NAMPT: variants seen among roughly 807,000 people sequenced by gnomAD.
The protein encoded by NAMPT is NAmPRTase.
Under a neutral mutation model 58.7 loss-of-function variants are expected in NAMPT, and 7 were observed. The ratio of observed to expected loss-of-function variants is 0.12; its 90% confidence interval spans 0.07 to 0.22. The LOEUF is 0.22. NAMPT is among the 10% of genes least tolerant of loss of function. The pLI, the probability that NAMPT is intolerant of heterozygous loss-of-function variation, is 1.00. For synonymous variants in NAMPT, 145 were observed against 198.1 expected (o/e 0.73, Z 2.25); for missense variants, 271 against 567.9 (o/e 0.48, Z 5.31).
intron 2 of NAMPT, 191 bp downstream of exon 2, chr7:106,276,832 A>C: frequency 2.0e-6 from 1 of 501,864 alleles, no homozygotes. Flanking sequence ...ACAAGAGCGA[A>C]ACTCGGTTTC....
upstream of NAMPT, chr7:106,285,048 G>A (rs1403759661): frequency 6.6e-6 from 9 of 1,355,856 alleles, no homozygotes; most frequent in East Asian, 2.9e-5. Flanking sequence ...AGGAGGGCGG[G>A]CCCGGGAGCC....
chr7:106,279,620 T>C (rs1792721374), intron 1 of NAMPT, among the ~76,000 whole-genome samples: 1 of 152,198 alleles, frequency 6.6e-6, no homozygotes, highest in Non-Finnish European at 1.5e-5. Context: ...ATAGCATAAA[T>C]TCAAATCAAC....
chr7:106,285,551 G>T (rs894450455), upstream of NAMPT: 2 of 985,822 alleles, frequency 2.0e-6, no homozygotes, highest in Admixed American at 1.2e-4. Context: ...CTTTGTCTCC[G>T]GCCTGGATTA....
chr7:106,273,898 C>T (rs1464941700), intron 3 of NAMPT, among the ~76,000 whole-genome samples: 1 of 151,716 alleles, frequency 6.6e-6, no homozygotes, highest in Non-Finnish European at 1.5e-5. Context: ...TAAAGTATTT[C>T]TAATTATTCT....
At chr7:106,284,559 GC>G in intron 1 of NAMPT, 1 of 178,260 alleles carries the variant, frequency 5.6e-6, no homozygotes. Context: ...GCCCGCCTCA[GC>G]CCCCCGCCGC....
chr7:106,270,348 A>G (rs1157363434), intron 4 of NAMPT: 4 of 330,438 alleles, frequency 1.2e-5, no homozygotes, highest in South Asian at 7.0e-5. Context: ...CCAAAAAGAT[A>G]TTAACTAAAT....
chr7:106,272,873 T>C (rs1792563041), intron 3 of NAMPT, among the ~76,000 whole-genome samples: 1 of 152,242 alleles, frequency 6.6e-6, no homozygotes, highest in Non-Finnish European at 1.5e-5. Context: ...ATTTTTAAGT[T>C]TAATGCTGCC....
In NAMPT at chr7:106,248,377, T is replaced by C. The variant is rs1023506157; in HGVS notation, c.*2706A>G. On this transcript the variant is annotated 3_prime_UTR_variant, in exon 11 of 11. Transcript: ENST00000222553. The stretch of plus-strand genomic sequence containing the variant: ...AGTACATATTAGAATAGACTTAACA[T>C]ACAACTTGGGAGAAAAGCTGACATT... 6.6e-6 allele frequency: 1 copy of C among 152,512 alleles called. No homozygotes were observed. Among genetic ancestry groups the C allele is most frequent in the Non-Finnish European group, 1.5e-5 (1 of 67,978 alleles). The allele number at this position is 152,512 out of a possible 1,614,324, so 9.4% of individuals were successfully genotyped here.
chr7:106,259,674 C>T (rs992760733), intron 8 of NAMPT, among the ~76,000 whole-genome samples: 8 of 152,222 alleles, frequency 5.3e-5, no homozygotes, highest in African/African-American at 1.9e-4. Flanking sequence ...CTGCCTGTCT[C>T]GGTCTCCCAA....
intron 8 of NAMPT, among the ~76,000 whole-genome samples, chr7:106,261,019 T>C (rs373973595): frequency 2.0e-5 from 3 of 152,154 alleles, no homozygotes; most frequent in Non-Finnish European, 2.9e-5. Flanking sequence ...GTTGGAAAAA[T>C]AGCACCAACA....
rs1194038222 is a variant in NAMPT at position 106,251,024 on chromosome 7, A to G, written c.*59T>C. 42 of 1,270,724 alleles carry G rather than the reference A, an allele frequency of 3.3e-5. No individual in the cohort carries two copies. The Admixed American group carries it at 5.4e-4, about 16-fold the overall frequency. The allele number at this position is 1,270,724 out of a possible 1,614,324, so 78.7% of individuals were successfully genotyped here. A position where few individuals can be genotyped will look rare whatever the true frequency, so the allele number is the denominator to read the frequency against. Reference sequence around the variant, plus strand: ...ATGTATCATAAAACACAAACCCCACACATCTGTACAATAAACATTATGTAT... The same window carrying G: ...ATGTATCATAAAACACAAACCCCACGCATCTGTACAATAAACATTATGTAT... On this transcript the variant is annotated 3_prime_UTR_variant, in exon 11 of 11. Coordinates refer to ENST00000222553, the MANE Select transcript of NAMPT (RefSeq NM_005746.3).
At chr7:106,252,118 TCTA>T (rs1257257413) in intron 10 of NAMPT, among the ~76,000 whole-genome samples, 10 of 152,174 alleles carry the variant, frequency 6.6e-5, no homozygotes, top group East Asian at 5.8e-4. Context: ...TCTAGTTTAT[TCTA>T]CTATCATTCA....
Position 106,261,537 on chromosome 7 carries a change from AACTT to A in NAMPT, c.1089+47_1089+50del, listed in dbSNP as rs748751235. On this transcript the variant is annotated intron_variant, in intron 8 of 10. Transcript: ENST00000222553. ...TTGTGTTCTTTATCAAACATAAACA[AACTT>A]AATTATAAGAAATGCCTTATTGAAA... is the stretch of plus-strand genomic sequence containing the variant. 1.2e-4 allele frequency: 162 copies of A among 1,376,440 alleles called. No individual in the cohort carries two copies. The African/African-American group carries it at 2.0e-3, about 17-fold the overall frequency. The allele number at this position is 1,376,440 out of a possible 1,614,324, so 85.3% of individuals were successfully genotyped here. A position where few individuals can be genotyped will look rare whatever the true frequency, so the allele number is the denominator to read the frequency against.
chr7:106,272,709 C>T (rs41430346), intron 3 of NAMPT, 51 bp from the exon 4 acceptor site: 2 of 1,594,420 alleles, frequency 1.3e-6, no homozygotes, highest in East Asian at 2.2e-5. Flanking sequence ...ATACTCAATT[C>T]CCTGCTGTTT....
At chr7:106,285,125 C>T (rs1792847518), upstream of NAMPT, 1 of 1,309,516 alleles carries the variant, frequency 7.6e-7, no homozygotes, top group Non-Finnish European at 9.8e-7. Context: ...TGGCGGACTC[C>T]CCACCTCGGT....
chr7:106,268,292 T>C lies in NAMPT; in HGVS notation c.743+172A>G, dbSNP rs1189818254. Reference sequence around the variant, plus strand: ...TCTTCTAGCATGGATAAAATTTCTCTGCCTCTCTAAGACTAATGTTTATAC... The same window carrying C: ...TCTTCTAGCATGGATAAAATTTCTCCGCCTCTCTAAGACTAATGTTTATAC... On this transcript the variant is annotated intron_variant, in intron 6 of 10. Transcript: ENST00000222553. 5.6e-6 allele frequency: 3 copies of C among 538,816 alleles called. No individual in the cohort carries two copies. In the East Asian group the frequency reaches 9.0e-5, roughly 16 times the overall value. 33.4% of individuals were successfully genotyped at this position (538,816 alleles called of 1,614,324 possible).
chr7:106,270,606 A>G (rs1484693858), intron 4 of NAMPT, among the ~76,000 whole-genome samples: 1 of 152,156 alleles, frequency 6.6e-6, no homozygotes, highest in Admixed American at 6.5e-5. Flanking sequence ...GGAGAAAGTC[A>G]TGTGTGACTC....
Position 106,277,045 on chromosome 7 carries a change from G to A in NAMPT, c.192C>T (p.Tyr64=), listed in dbSNP as rs762915973. 10 of 1,591,844 alleles carry A rather than the reference G, an allele frequency of 6.3e-6. No homozygotes were observed. In the Admixed American group the frequency reaches 1.3e-4, roughly 21 times the overall value. ...TACCTTTTAAGTACTTATTAAGAAT[G>A]TACTGCAACCCATAAAATACTGTTT... ...YEETVFYGLQ[Y]ILNKYLKGKV... Residue 64 remains tyrosine (Y), a synonymous_variant, in exon 2 of 11, where the codon TAC becomes TAT. Coordinates refer to ENST00000222553, the MANE Select transcript of NAMPT (RefSeq NM_005746.3).
At chr7:106,263,658 A>G (rs528146279) in intron 6 of NAMPT, 41 bp from the exon 7 acceptor site, 2 of 1,438,436 alleles carry the variant, frequency 1.4e-6, no homozygotes, top group African/African-American at 1.4e-5. Context: ...TTAGGCAGAC[A>G]CTTGATCTAT....
Sources: gnomAD v4.1 joint callset for allele counts (sites outside exome capture counted in the v4.1 genomes callset) on GRCh38, gnomAD v4.1.1 for gene constraint, MANE v1.5 for transcripts, NCBI Gene and HGNC (gene_info 2026-07-23, HGNC 2026-07-21) for gene names.